The following PLCXD1 variants were observed in gnomAD, a reference collection of about 807,000 sequenced individuals.
PLCXD1 encodes PI-PLC X domain-containing protein 1.
A neutral mutation model predicts 37.8 loss-of-function variants in PLCXD1; 45 were observed. The ratio of observed to expected loss-of-function variants is 1.19; its 90% CI spans 0.94 to 1.53. PLCXD1 has a LOEUF of 1.53. PLCXD1 is among the 40% of genes most tolerant of loss of function. PLCXD1 has a pLI of 0.00. For missense variants in PLCXD1, 539 were observed against 454.7 expected, an observed-to-expected ratio of 1.19 and a Z score of -1.69; for synonymous variants, 246 against 206.9, an observed-to-expected ratio of 1.19 and a Z score of -1.62.
intron 5 of PLCXD1, 41 bp from the exon 6 acceptor site, chrX:292,994 C>G (rs761729382): frequency 6.8e-7 from 1 of 1,460,418 alleles, no homozygotes; most frequent in Non-Finnish European, 9.3e-7. Flanking sequence ...GCCCCCGGCT[C>G]TCCTCTCTCC....
rs1442010426 is a variant in PLCXD1, at chrX:300,507, T to G, written c.*1172T>G. ...ATGTGTGTATGTGTGTATATATGTA[T>G]ATGTGTGCATATGTGTATACGTGTA... On this transcript the variant is annotated 3_prime_UTR_variant, in exon 7 of 7. Transcript: ENST00000381657. The G allele has an allele frequency of 1.2e-5, 1 of 82,800 alleles. No individual in the cohort carries two copies. The highest frequency in any genetic ancestry group is 2.5e-5 in the Non-Finnish European group (1 of 39,634). The allele number at this position is 82,800 out of a possible 1,614,324, so 5.1% of individuals were successfully genotyped here. A position where few individuals can be genotyped will look rare whatever the true frequency, so the allele number is the denominator to read the frequency against.
At chrX:277,998 G>A (rs1171629524), upstream of PLCXD1, among the ~76,000 whole-genome samples, 6 of 105,052 alleles carry the variant, frequency 5.7e-5, no homozygotes, top group African/African-American at 2.0e-4. Flanking sequence ...AGGGGACCTG[G>A]GATGTGAGGG....
chrX:288,936 C>A, intron 3 of PLCXD1, 67 bp downstream of exon 3: 1 of 1,487,590 alleles, frequency 6.7e-7, no homozygotes, highest in Non-Finnish European at 9.4e-7. Flanking sequence ...CCCCGTGGTG[C>A]TGAAATGGCC....
chrX:295,864 G>C (rs986034272), intron 6 of PLCXD1, among the ~76,000 whole-genome samples: 2 of 151,824 alleles, frequency 1.3e-5, no homozygotes, highest in Non-Finnish European at 2.9e-5. Context: ...TTTTGAGACA[G>C]AGTTTTGCTC....
chrX:296,915 GC>G (rs2069831496), intron 6 of PLCXD1, among the ~76,000 whole-genome samples: 2 of 136,436 alleles, frequency 1.5e-5, no homozygotes, highest in African/African-American at 2.6e-5. Context: ...CATCTTTGGG[GC>G]CATTATTCTG....
chrX:279,966 C>A (rs1370374774), upstream of PLCXD1, among the ~76,000 whole-genome samples: 1 of 152,116 alleles, frequency 6.6e-6, no homozygotes, highest in Non-Finnish European at 1.5e-5. Flanking sequence ...TCTCCTGCCT[C>A]AGCCTCCCAG....
intron 2 of PLCXD1, among the ~76,000 whole-genome samples, chrX:287,785 G>C (rs1161195202): frequency 6.7e-6 from 1 of 149,578 alleles, no homozygotes. Flanking sequence ...CTATATTTAA[G>C]AAATAACAAC....
chrX:284,444 C>T lies in PLCXD1; in HGVS notation c.127+130C>T, dbSNP rs1197813359. On this transcript the variant is annotated intron_variant, in intron 2 of 6. Coordinates refer to ENST00000381657, the MANE Select transcript of PLCXD1 (RefSeq NM_018390.4). Reference sequence around the variant, plus strand: ...GAGCAATCCTGGGTGTAGGGAAATCCTAGAAAGCACACTGATGTGGACACA... The same window carrying T: ...GAGCAATCCTGGGTGTAGGGAAATCTTAGAAAGCACACTGATGTGGACACA... 4 of 963,240 alleles carry T rather than the reference C, an allele frequency of 4.2e-6. No individual in the cohort carries two copies. In the African/African-American group the frequency reaches 6.4e-5, roughly 15 times the overall value. The allele number at this position is 963,240 out of a possible 1,614,324, so 59.7% of individuals were successfully genotyped here.
chrX:282,820 GTATAT>G (rs1419620941), intron 1 of PLCXD1, among the ~76,000 whole-genome samples: 1 of 147,176 alleles, frequency 6.8e-6, no homozygotes, highest in Non-Finnish European at 1.5e-5. Flanking sequence ...ATTTTCAACA[GTATAT>G]TATATATATA....
chrX:281,298 C>T (rs1187778106), upstream of PLCXD1: 40 of 166,680 alleles, frequency 2.4e-4, no homozygotes, highest in Non-Finnish European at 3.1e-4. Flanking sequence ...AGCTGACATC[C>T]CCCGGGCTGA....
chrX:300,052 C>CAAA lies in PLCXD1; in HGVS notation c.*736_*738dup, dbSNP rs968112829. 3 of 66,630 alleles carry CAAA rather than the reference C, an allele frequency of 4.5e-5. No homozygotes were observed. The highest frequency in any genetic ancestry group is 7.0e-5 in the Non-Finnish European group (2 of 28,426). The allele number at this position is 66,630 out of a possible 1,614,324, so 4.1% of individuals were successfully genotyped here. A position where few individuals can be genotyped will look rare whatever the true frequency, so the allele number is the denominator to read the frequency against. The stretch of plus-strand genomic sequence containing the variant: ...TGGGCGACAGAGCGAGACTCCATCT[C>CAAA]AAAAAAAAAAAAAAAAAAAAAGATG... On this transcript the variant is annotated 3_prime_UTR_variant, in exon 7 of 7. Coordinates refer to ENST00000381657, the MANE Select transcript of PLCXD1 (RefSeq NM_018390.4).
chrX:292,433 TGG>T (rs1043403740), intron 5 of PLCXD1, among the ~76,000 whole-genome samples: 1 of 151,806 alleles, frequency 6.6e-6, no homozygotes, highest in African/African-American at 2.4e-5. Flanking sequence ...CATTCCAGCC[TGG>T]GAGACAGAGC....
Position 291,486 on chromosome X carries a change from C to A in PLCXD1, c.394-13C>A, listed in dbSNP as rs751485973. 1.9e-6 allele frequency: 3 copies of A among 1,611,600 alleles called. No individual in the cohort carries two copies. The highest frequency in any genetic ancestry group is 1.1e-5 in the South Asian group (1 of 90,984). On this transcript the variant is annotated splice_polypyrimidine_tract_variant and intron_variant, in intron 4 of 6. Transcript: ENST00000381657. Reference sequence around the variant, plus strand: ...GAGTCGTGCAGGACTCAGCCCAGCACCCCCCTCCCCAGGACACACTCACGG... The same window carrying A: ...GAGTCGTGCAGGACTCAGCCCAGCAACCCCCTCCCCAGGACACACTCACGG...
At chrX:299,044 C>T (rs923842569) in intron 6 of PLCXD1, 53 bp from the exon 7 acceptor site, 9 of 1,323,228 alleles carry the variant, frequency 6.8e-6, no homozygotes, top group African/African-American at 2.9e-5. Context: ...GAGGGAGAAA[C>T]AGGCGGGTGA....
chrX:294,338 C>T (rs866380199), intron 6 of PLCXD1, among the ~76,000 whole-genome samples: 21 of 152,204 alleles, frequency 1.4e-4, no homozygotes, highest in African/African-American at 4.6e-4. Flanking sequence ...AAAAATTAGC[C>T]GGGCGTGGTG....
In PLCXD1 at chrX:291,562, T is replaced by C. The variant is rs769051676; in HGVS notation, c.457T>C (p.Cys153Arg). The C allele has an allele frequency of 4.3e-6, 7 of 1,613,032 alleles. No homozygotes were observed. The highest frequency in any genetic ancestry group is 5.1e-6 in the Non-Finnish European group (6 of 1,179,858). ...RHPREVVILA[C>R]RNFEGLSEDL... ...TCCACGCGAGGTGGTCATCCTGGCC[T>C]GCAGAAACTTCGAGGGGCTGAGCGA... The change falls in exon 5 of 7, where the codon TGC becomes CGC. Residue 153 changes from cysteine to arginine, a missense_variant. Physicochemically the swap from Cys to Arg is radical, Grantham distance 180 (BLOSUM62 -3). Transcript: ENST00000381657.
upstream of PLCXD1, among the ~76,000 whole-genome samples, chrX:278,184 A>AC (rs2069192127): frequency 6.5e-4 from 11 of 16,922 alleles, no homozygotes; most frequent in East Asian, 6.5e-3. Flanking sequence ...GGGTCGGGGG[A>AC]CGTGGGGACA....
chrX:288,593 G>C (rs1004490215), intron 2 of PLCXD1, 140 bp from the exon 3 acceptor site: 2 of 878,560 alleles, frequency 2.3e-6, no homozygotes, highest in African/African-American at 1.6e-5. Context: ...TTGGGGGTCA[G>C]CGTGCACCCC....
At chrX:287,334 C>A (rs1207852608) in intron 2 of PLCXD1, among the ~76,000 whole-genome samples, 1 of 141,750 alleles carries the variant, frequency 7.1e-6, no homozygotes, top group Non-Finnish European at 1.5e-5. Flanking sequence ...TATTTATAAA[C>A]ATAATATGTG....
Sources: gnomAD v4.1 joint callset for allele counts (sites outside exome capture counted in the v4.1 genomes callset) on GRCh38, gnomAD v4.1.1 for gene constraint, MANE v1.5 for transcripts, NCBI Gene and HGNC (gene_info 2026-07-23, HGNC 2026-07-21) for gene names.